The following FOXRED2 variants were observed in gnomAD, a reference collection of about 807,000 sequenced individuals.
The protein encoded by FOXRED2 is FAD dependent oxidoreductase domain containing 2.
In FOXRED2, 32 loss-of-function variants were observed where a neutral mutation model predicts 52.5. The ratio of observed to expected loss-of-function variants is 0.61; its 90% CI spans 0.46 to 0.82. The LOEUF is 0.82. Ranked by LOEUF, FOXRED2 falls within the 40% of genes least tolerant of loss-of-function variation. The probability of loss-of-function intolerance (pLI) is 0.00; values close to 1 mark genes in which losing one functional copy is unlikely to be tolerated. For synonymous variants in FOXRED2, 405 were observed against 398.1 expected (o/e 1.02, Z -0.21); for missense variants, 848 against 937.5 (o/e 0.90, Z 1.25).
intron 5 of FOXRED2, among the ~76,000 whole-genome samples, chr22:36,499,587 T>C (rs1453507472): frequency 2.6e-5 from 4 of 152,122 alleles, no homozygotes; most frequent in African/African-American, 4.8e-5. Flanking sequence ...GATGGCGCCA[T>C]TGTACTCCAG....
At chr22:36,497,935 T>G (rs889822434) in intron 6 of FOXRED2, 56 bp downstream of exon 6, 1 of 1,566,172 alleles carries the variant, frequency 6.4e-7, no homozygotes, top group Non-Finnish European at 8.7e-7. Context: ...AGAAGCGCTA[T>G]GCAGCACGTC....
In FOXRED2 at chr22:36,490,276, A is replaced by G; in HGVS notation, c.1796-9T>C. 1 of 1,579,588 alleles carries G rather than the reference A, an allele frequency of 6.3e-7. No homozygotes were observed. Among genetic ancestry groups the G allele is most frequent in the Non-Finnish European group, 8.6e-7 (1 of 1,158,104 alleles). The stretch of plus-strand genomic sequence containing the variant: ...GAACAGGAAGCAGGACTCTACACAA[A>G]AGCAAAATGAGGAGAATGAGCCAGG... On this transcript the variant is annotated splice_polypyrimidine_tract_variant and intron_variant, in intron 8 of 8. Coordinates refer to ENST00000397224, the MANE Select transcript of FOXRED2 (RefSeq NM_001102371.2).
chr22:36,494,160 A>C (rs1019568748), intron 7 of FOXRED2, among the ~76,000 whole-genome samples: 1 of 152,200 alleles, frequency 6.6e-6, no homozygotes, highest in African/African-American at 2.4e-5. Flanking sequence ...TCTATTGCCC[A>C]GGCTGTCATG....
chr22:36,498,987 C>T (rs562673889), intron 5 of FOXRED2, among the ~76,000 whole-genome samples: 25 of 152,014 alleles, frequency 1.6e-4, no homozygotes, highest in South Asian at 8.3e-4. Context: ...CAGGCTGGAG[C>T]GCAGTGGCAC....
chr22:36,501,908 G>A (rs1934063120), intron 4 of FOXRED2, among the ~76,000 whole-genome samples: 1 of 152,086 alleles, frequency 6.6e-6, no homozygotes, highest in Admixed American at 6.6e-5. Flanking sequence ...GCTCACGCCT[G>A]TAATCCCAGC....
At chr22:36,504,002 C>T in intron 4 of FOXRED2, 96 bp downstream of exon 4, 1 of 1,318,772 alleles carries the variant, frequency 7.6e-7, no homozygotes, top group Non-Finnish European at 1.1e-6. Context: ...GTCCTGAGAG[C>T]TCTGTCGCCA....
At chr22:36,504,819 T>G in intron 2 of FOXRED2, 53 bp from the exon 3 acceptor site, 3 of 1,590,658 alleles carry the variant, frequency 1.9e-6, no homozygotes, top group Non-Finnish European at 2.6e-6. Context: ...ATAAGACCAC[T>G]AAGTGAAAAC....
intron 7 of FOXRED2, among the ~76,000 whole-genome samples, chr22:36,495,163 T>G (rs1933863754): frequency 2.6e-5 from 4 of 151,654 alleles, no homozygotes; most frequent in Admixed American, 2.0e-4. Flanking sequence ...GTTTCACCAT[T>G]TTGGCCAGGC....
chr22:36,494,635 G>A (rs1359116167), intron 7 of FOXRED2, among the ~76,000 whole-genome samples: 7 of 151,674 alleles, frequency 4.6e-5, no homozygotes, highest in African/African-American at 1.7e-4. Flanking sequence ...TTAACTCTTA[G>A]TGCCTCCTTT....
chr22:36,492,581 C>T (rs746296224), intron 8 of FOXRED2, among the ~76,000 whole-genome samples: 40 of 152,178 alleles, frequency 2.6e-4, no homozygotes, highest in Admixed American at 1.3e-3. Flanking sequence ...GGCATGATCT[C>T]GGGTCACTGC....
chr22:36,504,589 G>C lies in FOXRED2; in HGVS notation c.705C>G (p.Val235=), dbSNP rs757788754. The change falls in exon 3 of 9, where the codon GTC becomes GTG. Residue 235 remains valine, a synonymous_variant. Coordinates refer to ENST00000397224, the MANE Select transcript of FOXRED2 (RefSeq NM_001102371.2). The part of the protein sequence containing the change: ...AFETAENILG[V]TNFIHMLSRS... ...GGCTGAGCATATGGATAAAGTTTGT[G>C]ACACCCAAGATGTTCTCTGCTGTCT... 6.8e-6 allele frequency: 11 copies of C among 1,614,160 alleles called. No individual in the cohort carries two copies. The South Asian group carries it at 1.1e-4, about 16-fold the overall frequency.
chr22:36,490,014 C>G lies in FOXRED2; in HGVS notation c.2049G>C (p.Glu683Asp). The G allele has an allele frequency of 6.3e-7, 1 of 1,576,072 alleles. No individual in the cohort carries two copies. Among genetic ancestry groups the G allele is most frequent in the Non-Finnish European group, 8.6e-7 (1 of 1,157,188 alleles). Residue 683 changes from glutamate to aspartate, a missense_variant, in exon 9 of 9, where the codon GAG becomes GAC. Transcript: ENST00000397224. ...LAQSVDSNKE[E>D]L ...ACAGCTTAGGAAGGGACAGTCAGAGCTCCTCTTTGTTGCTATCGACGGACT... is the reference window on the plus strand; with the variant it reads ...ACAGCTTAGGAAGGGACAGTCAGAGGTCCTCTTTGTTGCTATCGACGGACT...
At chr22:36,497,683 G>A (rs112821464) in intron 6 of FOXRED2, among the ~76,000 whole-genome samples, 116 of 152,330 alleles carry the variant, frequency 7.6e-4, no homozygotes, top group African/African-American at 2.5e-3. Context: ...GCTCATCCAC[G>A]TGATGCCAAA....
chr22:36,491,966 C>T (rs1039283404), intron 8 of FOXRED2, among the ~76,000 whole-genome samples: 2 of 152,072 alleles, frequency 1.3e-5, no homozygotes, highest in Admixed American at 6.6e-5. Context: ...TAACTCTGAG[C>T]GAGCCTTCTT....
intron 8 of FOXRED2, among the ~76,000 whole-genome samples, chr22:36,491,241 G>A (rs1933748654): frequency 6.6e-6 from 1 of 152,248 alleles, no homozygotes; most frequent in Non-Finnish European, 1.5e-5. Context: ...AGGAACAACC[G>A]CTAGGTCTGG....
At chr22:36,493,344 C>T (rs1288497740) in intron 8 of FOXRED2, among the ~76,000 whole-genome samples, 2 of 151,468 alleles carry the variant, frequency 1.3e-5, no homozygotes, top group Non-Finnish European at 2.9e-5. Flanking sequence ...GAGGCTGAGG[C>T]AGGAGAATCG....
rs752883321 is a variant in FOXRED2 at position 36,504,580 on chromosome 22, A to G, written c.714T>C (p.Phe238=). 1.5e-5 allele frequency: 24 copies of G among 1,614,070 alleles called. No individual in the cohort carries two copies. Among genetic ancestry groups the G allele is most frequent in the Non-Finnish European group, 1.9e-5 (23 of 1,180,036 alleles). Residue 238 remains phenylalanine, a synonymous_variant, in exon 3 of 9, where the codon TTT becomes TTC. Coordinates refer to ENST00000397224, the MANE Select transcript of FOXRED2 (RefSeq NM_001102371.2). ...CCCGGGAGCGGCTGAGCATATGGAT[A>G]AAGTTTGTGACACCCAAGATGTTCT... The part of the protein sequence containing the change: ...TAENILGVTN[F]IHMLSRSRVR...
At chr22:36,496,295 G>T in intron 6 of FOXRED2, 87 bp from the exon 7 acceptor site, 2 of 1,508,548 alleles carry the variant, frequency 1.3e-6, no homozygotes, top group Non-Finnish European at 9.1e-7. Flanking sequence ...GTGTGTGCGT[G>T]TGTATCTCCC....
Position 36,501,495 on chromosome 22 carries a change from T to A in FOXRED2, c.1050-88A>T, listed in dbSNP as rs201278583. The A allele has an allele frequency of 3.4e-3, 4,168 of 1,209,838 alleles. 13 individuals are homozygous for A. Among genetic ancestry groups the A allele is most frequent in the Non-Finnish European group, 4.6e-3 (3,908 of 856,196 alleles). The allele number at this position is 1,209,838 out of a possible 1,614,324, so 74.9% of individuals were successfully genotyped here. Reference sequence around the variant, plus strand: ...TTAGTTTTGAGATGGAGTTTCGCTCTTGTCGCCCAGGTTAGAGTACAATGG... The same window carrying A: ...TTAGTTTTGAGATGGAGTTTCGCTCATGTCGCCCAGGTTAGAGTACAATGG... On this transcript the variant is annotated intron_variant, in intron 4 of 8. Transcript: ENST00000397224.
Sources: gnomAD v4.1 joint callset for allele counts (sites outside exome capture counted in the v4.1 genomes callset) on GRCh38, gnomAD v4.1.1 for gene constraint, MANE v1.5 for transcripts, NCBI Gene and HGNC (gene_info 2026-07-23, HGNC 2026-07-21) for gene names.